TTN: variants seen among roughly 807,000 people sequenced by gnomAD.
The protein encoded by TTN is titin, also known as connectin.
Under a neutral mutation model 3,223.0 loss-of-function variants are expected in TTN, and 1,525 were observed. That is an observed-to-expected ratio of 0.47 (90% CI 0.45 to 0.49). The LOEUF is 0.49. Among genes scored for constraint, TTN ranks in the 20% least tolerant of loss-of-function variants. The pLI, the probability that TTN is intolerant of heterozygous loss-of-function variation, is 0.00. For synonymous variants in TTN, 14,094 were observed against 15,161.0 expected (o/e 0.93, Z 5.17); for missense variants, 40,786 against 43,424.0 (o/e 0.94, Z 5.40).
rs753701051 is a variant in TTN at position 178,557,503 on chromosome 2, G to A, written c.87759C>T (p.Ser29253=). ...TPWVTNVTRE[S]ITVGWHEPVS... ...CTGGTTCATGCCAGCCCACAGTGATGCTTTCTCGAGTAACATTAGTGACCC... is the reference window on the plus strand; with the variant it reads ...CTGGTTCATGCCAGCCCACAGTGATACTTTCTCGAGTAACATTAGTGACCC... The change falls in exon 329 of 363, where the codon AGC becomes AGT. Residue 29253 remains serine, a synonymous_variant. Coordinates refer to ENST00000589042, the MANE Select transcript of TTN (RefSeq NM_001267550.2). The A allele has an allele frequency of 6.2e-7, 1 of 1,613,916 alleles. No individual in the cohort carries two copies. Among genetic ancestry groups the A allele is most frequent in the East Asian group, 2.2e-5 (1 of 44,832 alleles).
At position 178,718,615 on chromosome 2, in the gene TTN, C is replaced by T. The variant is rs770243218; in HGVS notation, c.24506-15G>A. 1.9e-6 allele frequency: 3 copies of T among 1,605,608 alleles called. No homozygotes were observed. Among genetic ancestry groups the T allele is most frequent in the Non-Finnish European group, 2.6e-6 (3 of 1,175,350 alleles). On this transcript the variant is annotated splice_polypyrimidine_tract_variant and intron_variant, in intron 84 of 362. Coordinates refer to ENST00000589042, the MANE Select transcript of TTN (RefSeq NM_001267550.2). The stretch of plus-strand genomic sequence containing the variant: ...GGTGGCTGGTTCTATAAGGAGAAAA[C>T]ATGTGGGTAAAATTCTTGCCTTCTA...
In TTN at chr2:178,617,937, C is replaced by A; in HGVS notation, c.47414G>T (p.Trp15805Leu). ...AGCTCTCACAGTCATGGCAGTATCC[C>A]ACCTGATAGAAGTCTTGTCTCTTAA... ...IELRDKTSIR[W>L]DTAMTVRAED... Residue 15805 changes from tryptophan to leucine, a missense_variant, in exon 253 of 363, where the codon TGG becomes TTG. By Grantham distance (61) the Trp-to-Leu change is moderately conservative (BLOSUM62 -2). Transcript: ENST00000589042. 2 of 1,612,716 alleles carry A rather than the reference C, an allele frequency of 1.2e-6. No homozygotes were observed. The highest frequency in any genetic ancestry group is 1.7e-6 in the Non-Finnish European group (2 of 1,179,112).
rs963143276 is a variant in TTN at position 178,767,747 on chromosome 2, T to G, written c.9471+12A>C. ...TGATGATTTTTCAAAACATTTAGTA[T>G]GTAGACAATACCTGAACCTCCTTTT... On this transcript the variant is annotated intron_variant, in intron 40 of 362. Coordinates refer to ENST00000589042, the MANE Select transcript of TTN (RefSeq NM_001267550.2). 2 of 1,613,620 alleles carry G rather than the reference T, an allele frequency of 1.2e-6. No individual in the cohort carries two copies. The highest frequency in any genetic ancestry group is 1.1e-5 in the South Asian group (1 of 91,082).
chr2:178,782,285 A>C lies in TTN; in HGVS notation c.3307T>G (p.Cys1103Gly). 1 of 1,614,110 alleles carries C rather than the reference A, an allele frequency of 6.2e-7. No individual in the cohort carries two copies. The highest frequency in any genetic ancestry group is 8.5e-7 in the Non-Finnish European group (1 of 1,179,998). ...LVEGGSVVFGCQVGGNPKPHV... is the reference protein window; with the variant it reads ...LVEGGSVVFGGQVGGNPKPHV... ...GGCTTTGGGTTGCCGCCAACTTGGC[A>C]TCCAAACACCACGCTCCCACCTTCC... is the stretch of plus-strand genomic sequence containing the variant. Residue 1103 changes from cysteine to glycine, a missense_variant, in exon 20 of 363, where the codon TGC becomes GGC. By Grantham distance (159) the Cys-to-Gly change is radical. Transcript: ENST00000589042.
At chr2:178,641,687 A>T (rs78619854) in intron 219 of TTN, among the ~76,000 whole-genome samples, 1 of 151,890 alleles carries the variant, frequency 6.6e-6, no homozygotes, top group Non-Finnish European at 1.5e-5. Context: ...TTAAGCAGAG[A>T]TATCTGAAGA....
Position 178,775,644 on chromosome 2 carries a change from T to C in TTN, c.6220A>G (p.Ser2074Gly). ...FKPDKIELSPSMEAPKIFERI... is the reference protein window; with the variant it reads ...FKPDKIELSPGMEAPKIFERI... ...TCGAAGATTTTTGGAGCCTCCATAC[T>C]AGGACTTAGTTCAATCTTGTCAGGT... The change falls in exon 28 of 363, where the codon AGT becomes GGT. Residue 2074 changes from serine (S) to glycine (G), a missense_variant. Physicochemically the swap from Ser to Gly is moderately conservative, Grantham distance 56. Coordinates refer to ENST00000589042, the MANE Select transcript of TTN (RefSeq NM_001267550.2). 2 of 1,614,128 alleles carry C rather than the reference T, an allele frequency of 1.2e-6. No individual in the cohort carries two copies. The highest frequency in any genetic ancestry group is 1.7e-6 in the Non-Finnish European group (2 of 1,179,998).
At chr2:178,686,517 A>C (rs527467383) in intron 127 of TTN, among the ~76,000 whole-genome samples, 62 of 152,300 alleles carry the variant, frequency 4.1e-4, no homozygotes, top group Non-Finnish European at 6.3e-4. Flanking sequence ...TCCTGGGTTC[A>C]AATGATCCTC....
chr2:178,744,430 T>A, intron 47 of TTN: 2 of 956,582 alleles, frequency 2.1e-6, no homozygotes, highest in Non-Finnish European at 2.5e-6. Flanking sequence ...GAGTCTTATA[T>A]GAGAAGACTT....
chr2:178,653,067 T>C lies in TTN; in HGVS notation c.38849A>G (p.Lys12950Arg), dbSNP rs1255492442. The C allele has an allele frequency of 6.2e-7, 1 of 1,613,334 alleles. No homozygotes were observed. The highest frequency in any genetic ancestry group is 8.5e-7 in the Non-Finnish European group (1 of 1,179,574). Residue 12950 changes from lysine to arginine, a missense_variant, in exon 199 of 363, where the codon AAA becomes AGA. Physicochemically the swap from Lys to Arg is conservative, Grantham distance 26 (BLOSUM62 2). Transcript: ENST00000589042. The stretch of plus-strand genomic sequence containing the variant: ...TTTAACAGGTGGGACTTCAGGTTTT[T>C]TAGGAGGAGTCACTGGCACTTTCTT... ...PEKKVPVTPP[K>R]KPEVPPVKVP...
Position 178,784,230 on chromosome 2 carries a change from C to A in TTN, c.2615G>T (p.Arg872Met). The change falls in exon 16 of 363, where the codon AGG (arginine) becomes ATG (methionine). Residue 872 changes from arginine to methionine, a missense_variant. Physicochemically the swap from Arg to Met is moderately conservative, Grantham distance 91. Coordinates refer to ENST00000589042, the MANE Select transcript of TTN (RefSeq NM_001267550.2). ...CTGTGGCAAGGGTGTGGGCTCTGCC[C>A]TTACTCTAGTCTCACTGGGCTTCAC... is the stretch of plus-strand genomic sequence containing the variant. ...PTVKPSETRV[R>M]AEPTPLPQFP... 6.2e-7 allele frequency: 1 copy of A among 1,614,150 alleles called. No individual in the cohort carries two copies.
intron 349 of TTN, 88 bp from the exon 350 acceptor site, chr2:178,541,672 T>G: frequency 7.7e-7 from 1 of 1,294,666 alleles, no homozygotes; most frequent in Non-Finnish European, 1.0e-6. Flanking sequence ...TAGGTTTTGG[T>G]TGGTATTTTA....
rs750487328 is a variant in TTN, at chr2:178,613,862, G to A, written c.49421C>T (p.Pro16474Leu). The A allele has an allele frequency of 6.2e-7, 1 of 1,612,074 alleles. No individual in the cohort carries two copies. Among genetic ancestry groups the A allele is most frequent in the Non-Finnish European group, 8.5e-7 (1 of 1,178,950 alleles). The change falls in exon 263 of 363, where the codon CCA (proline) becomes CTA (leucine). Residue 16474 changes from proline to leucine, a missense_variant. Pro to Leu is a moderately conservative substitution (Grantham distance 98). Transcript: ENST00000589042. Reference protein sequence around the residue: ...KDAVTLTWCEPDDDGGSPITG... With the variant: ...KDAVTLTWCELDDDGGSPITG... ...GATTGGGCTGCCACCATCATCATCTGGCTCACACCATGTGAGAGTCACTGC... is the reference window on the plus strand; with the variant it reads ...GATTGGGCTGCCACCATCATCATCTAGCTCACACCATGTGAGAGTCACTGC...
chr2:178,800,713 G>T, intron 3 of TTN, 31 bp from the exon 4 acceptor site: 1 of 1,585,030 alleles, frequency 6.3e-7, no homozygotes, highest in South Asian at 1.2e-5. Context: ...AGTCAAGAGT[G>T]AGAGCCAGGG....
Position 178,652,716 on chromosome 2 carries a change from C to T in TTN, c.38980G>A (p.Val12994Ile). The T allele has an allele frequency of 3.1e-6, 5 of 1,613,180 alleles. No homozygotes were observed. Among genetic ancestry groups the T allele is most frequent in the Non-Finnish European group, 4.2e-6 (5 of 1,179,506 alleles). Residue 12994 changes from valine to isoleucine, a missense_variant, in exon 201 of 363, where the codon GTT becomes ATT. Transcript: ENST00000589042. ...GAGGGCACTTTCTTTTCAGGAACAA[C>T]CTCTTTGGGAGCCTCTGGTACTTAA... ...PVKVPEAPKE[V>I]VPEKKVPSAP... is the part of the protein sequence containing the mutation.
chr2:178,797,414 T>G (rs996833153), intron 6 of TTN, among the ~76,000 whole-genome samples: 2 of 152,136 alleles, frequency 1.3e-5, no homozygotes, highest in African/African-American at 4.8e-5. Flanking sequence ...CCTCTTATGT[T>G]AAATACTTTT....
At position 178,598,837 on chromosome 2, in the gene TTN, T is replaced by A. The variant is rs2052516508; in HGVS notation, c.56873A>T (p.Asp18958Val). Residue 18958 changes from aspartate (D) to valine (V), a missense_variant, in exon 291 of 363, where the codon GAC becomes GTC. Asp to Val is a radical substitution (Grantham distance 152). Transcript: ENST00000589042. ...GATTGCATATACCCGGAATTGATAG[T>A]CGGAACCTTCAATAAGACCAGTCAC... ...YKVTGLIEGS[D>V]YQFRVYAINA... 1 of 1,613,192 alleles carries A rather than the reference T, an allele frequency of 6.2e-7. No individual in the cohort carries two copies. The highest frequency in any genetic ancestry group is 1.3e-5 in the African/African-American group (1 of 74,860).
chr2:178,543,724 G>C, intron 346 of TTN, 62 bp from the exon 347 acceptor site: 1 of 1,516,542 alleles, frequency 6.6e-7, no homozygotes, highest in Non-Finnish European at 8.8e-7. Context: ...TTTTCTTGGG[G>C]AAATATAATC....
rs376068382 is a variant in TTN, at chr2:178,738,889, G to T, written c.14092+252C>A. On this transcript the variant is annotated intron_variant, in intron 48 of 362. Coordinates refer to ENST00000589042, the MANE Select transcript of TTN (RefSeq NM_001267550.2). ...AAATTAACTAAAAGCTTATCTATTG[G>T]TATTATGAAACATATGAAAATATGT... 2.7e-4 allele frequency among the ~76,000 whole-genome samples: 41 copies of T among 152,134 alleles called. No homozygotes were observed. In the East Asian group the frequency reaches 2.7e-3, roughly 10 times the overall value.
chr2:178,542,720 T>C lies in TTN; in HGVS notation c.97134A>G (p.Thr32378=). The change falls in exon 348 of 363, where the codon ACA becomes ACG. Residue 32378 remains threonine, a synonymous_variant. Coordinates refer to ENST00000589042, the MANE Select transcript of TTN (RefSeq NM_001267550.2). Reference sequence around the variant, plus strand: ...TTCCGGTAACATTCTTCAATTCAAGTGTGTATTCTCCAGTATCTCTGATAG... The same window carrying C: ...TTCCGGTAACATTCTTCAATTCAAGCGTGTATTCTCCAGTATCTCTGATAG... ...ETTIRDTGEY[T]LELKNVTGTT... is the part of the protein sequence containing the mutation. 6.2e-7 allele frequency: 1 copy of C among 1,613,850 alleles called. No homozygotes were observed. The highest frequency in any genetic ancestry group is 8.5e-7 in the Non-Finnish European group (1 of 1,179,778).
Sources: gnomAD v4.1 joint callset for allele counts (sites outside exome capture counted in the v4.1 genomes callset) on GRCh38, gnomAD v4.1.1 for gene constraint, MANE v1.5 for transcripts, NCBI Gene and HGNC (gene_info 2026-07-23, HGNC 2026-07-21) for gene names.